Variants in BOP1 observed in about 807,000 individuals in gnomAD.
The protein encoded by BOP1 is BOP1 ribosomal biogenesis factor.
BOP1 carries 54 observed loss-of-function variants against 82.9 expected under a neutral mutation model. The observed-to-expected ratio is 0.65, with a 90% CI of 0.52 to 0.82. The LOEUF (loss-of-function observed/expected upper bound fraction) is 0.82. Ranked by LOEUF, BOP1 falls within the 40% of genes least tolerant of loss-of-function variation. The pLI, the probability that BOP1 is intolerant of heterozygous loss-of-function variation, is 0.00. For synonymous variants in BOP1, 566 were observed against 451.1 expected, an observed-to-expected ratio of 1.25 and a Z score of -3.23; for missense variants, 1,170 against 1,072.0, an observed-to-expected ratio of 1.09 and a Z score of -1.28.
chr8:144,269,369 G>A (rs1170231322), intron 3 of BOP1, among the ~76,000 whole-genome samples: 3 of 152,168 alleles, frequency 2.0e-5, no homozygotes, highest in Non-Finnish European at 2.9e-5. Flanking sequence ...GCCGGCCCCA[G>A]TTCCCCGCTA....
intron 2 of BOP1, among the ~76,000 whole-genome samples, chr8:144,285,989 C>G (rs576327283): frequency 2.6e-4 from 39 of 152,214 alleles, no homozygotes; most frequent in Middle Eastern, 3.2e-3. Flanking sequence ...TCATGGAAGC[C>G]AAGAGAACAT....
chr8:144,277,210 C>T (rs1054124676), intron 2 of BOP1, among the ~76,000 whole-genome samples: 1 of 151,554 alleles, frequency 6.6e-6, no homozygotes, highest in African/African-American at 2.4e-5. Context: ...TCCTCCCCTG[C>T]CTGTTTTTTC....
At position 144,265,076 on chromosome 8, in the gene BOP1, A is replaced by T. The variant is rs2130201479; in HGVS notation, c.391-5T>A. On this transcript the variant is annotated splice_polypyrimidine_tract_variant and splice_region_variant and intron_variant, in intron 3 of 15. Coordinates refer to ENST00000569669, the MANE Select transcript of BOP1 (RefSeq NM_015201.5). ...GCCCACCGTGTTCCGGATGTCCTGC[A>T]GCCGGGGGCCACCATGTCGGCATCT... The T allele has an allele frequency of 1.2e-6, 2 of 1,606,894 alleles. No homozygotes were observed. The highest frequency in any genetic ancestry group is 2.2e-5 in the East Asian group (1 of 44,764).
At chr8:144,289,646 G>A (rs187352287) in intron 1 of BOP1, among the ~76,000 whole-genome samples, 176 of 152,156 alleles carry the variant, frequency 1.2e-3, no homozygotes, top group African/African-American at 4.1e-3. Flanking sequence ...CTGACACTCC[G>A]GAGGCCCTGT....
At chr8:144,290,259 T>C (rs1158230084) in intron 1 of BOP1, among the ~76,000 whole-genome samples, 1 of 149,050 alleles carries the variant, frequency 6.7e-6, no homozygotes, top group Non-Finnish European at 1.5e-5. Context: ...GAGGCTGAGT[T>C]AGCCAGGAGG....
chr8:144,290,352 AG>A (rs1815011946), intron 1 of BOP1, among the ~76,000 whole-genome samples: 1 of 151,516 alleles, frequency 6.6e-6, no homozygotes, highest in African/African-American at 2.4e-5. Flanking sequence ...AAAAAAAAAA[AG>A]AAAAAAGAAA....
Position 144,264,786 on chromosome 8 carries a change from C to A in BOP1, c.591G>T (p.Thr197=), listed in dbSNP as rs1012048662. The A allele has an allele frequency of 7.5e-6, 12 of 1,608,456 alleles. No homozygotes were observed. The Admixed American group carries it at 1.7e-4, about 22-fold the overall frequency. ...DPMTGRDLRL[T]DEQVALVRRL... ...GCCGCACCAGGGCCACCTGCTCATC[C>A]GTCAGTCTCAGGTCCCGCCCTGTCA... The change falls in exon 5 of 16, where the codon ACG becomes ACT. Residue 197 remains threonine, a synonymous_variant. Transcript: ENST00000569669.
intron 3 of BOP1, among the ~76,000 whole-genome samples, chr8:144,270,052 TC>T (rs1297733401): frequency 1.3e-5 from 2 of 152,110 alleles, no homozygotes; most frequent in African/African-American, 4.8e-5. Flanking sequence ...GTTGCAAACC[TC>T]CACATGAACC....
chr8:144,265,179 C>T (rs1845331981), intron 3 of BOP1, 108 bp from the exon 4 acceptor site: 4 of 1,297,720 alleles, frequency 3.1e-6, no homozygotes, highest in Middle Eastern at 5.4e-4. Flanking sequence ...GCAGGCCCAG[C>T]CTCAAGTGCC....
intron 3 of BOP1, among the ~76,000 whole-genome samples, chr8:144,269,422 G>A (rs1298087156): frequency 6.6e-6 from 1 of 152,180 alleles, no homozygotes; most frequent in Non-Finnish European, 1.5e-5. Context: ...CAGGTGCTGT[G>A]GCCCACGTGG....
chr8:144,284,763 G>A lies in BOP1; in HGVS notation c.309+4332C>T, dbSNP rs141639068. On this transcript the variant is annotated intron_variant, in intron 2 of 15. Coordinates refer to ENST00000569669, the MANE Select transcript of BOP1 (RefSeq NM_015201.5). ...CGTGCAGCTGCTCACTGAATGCCAC[G>A]TAATTCTACACAGTCCTTAGAAAGG... 6.1e-3 allele frequency among the ~76,000 whole-genome samples: 933 copies of A among 152,302 alleles called. 7 individuals carry two copies. The highest frequency in any genetic ancestry group is 0.021 in the African/African-American group (885 of 41,568).
chr8:144,277,798 G>A (rs1588600531), intron 2 of BOP1, among the ~76,000 whole-genome samples: 1 of 146,360 alleles, frequency 6.8e-6, no homozygotes, highest in African/African-American at 2.7e-5. Flanking sequence ...AAGGGCAGGG[G>A]CGGTGCGGGC....
At chr8:144,286,397 GCGCCACGGCAGGGCAGGGCC>G in intron 2 of BOP1, among the ~76,000 whole-genome samples, 1 of 147,230 alleles carries the variant, frequency 6.8e-6, no homozygotes, top group South Asian at 2.2e-4. Context: ...AGGTGCATGG[GCGCCACGGCAGGGCAGGGCC>G]TCGGCCCCTC....
intron 3 of BOP1, among the ~76,000 whole-genome samples, chr8:144,273,583 G>A (rs1236022683): frequency 2.0e-5 from 3 of 152,362 alleles, no homozygotes; most frequent in East Asian, 1.9e-4. Flanking sequence ...GCAGCCACCC[G>A]GCCTCAGTTT....
At position 144,264,609 on chromosome 8, in the gene BOP1, A is replaced by C; in HGVS notation, c.671T>G (p.Val224Gly). 6.3e-7 allele frequency: 1 copy of C among 1,598,950 alleles called. No homozygotes were observed. The highest frequency in any genetic ancestry group is 8.5e-7 in the Non-Finnish European group (1 of 1,172,832). ...CATGACGTCCCCGCTGAAGAAGTCG[A>C]CAGCCGGCTGGGGGAGAAGATGTGG... ...DVGFNPYEPA[V>G]DFFSGDVMIH... The change falls in exon 6 of 16, where the codon GTC becomes GGC. Residue 224 changes from valine (V) to glycine (G), a missense_variant. By Grantham distance (109) the Val-to-Gly change is moderately radical. Transcript: ENST00000569669.
At chr8:144,284,893 C>A (rs1814820481) in intron 2 of BOP1, among the ~76,000 whole-genome samples, 1 of 152,214 alleles carries the variant, frequency 6.6e-6, no homozygotes, top group Non-Finnish European at 1.5e-5. Flanking sequence ...CCTGGGTCCA[C>A]CCAGGCAGGT....
intron 3 of BOP1, among the ~76,000 whole-genome samples, chr8:144,271,877 C>T (rs1012782184): frequency 2.0e-5 from 3 of 152,292 alleles, no homozygotes; most frequent in East Asian, 3.9e-4. Context: ...GGCCTTCTCC[C>T]GGCACCTCCA....
chr8:144,285,065 T>C (rs1554839323), intron 2 of BOP1, among the ~76,000 whole-genome samples: 1 of 152,132 alleles, frequency 6.6e-6, no homozygotes. Flanking sequence ...GGAATCAGAT[T>C]TATGGAGGAG....
intron 2 of BOP1, among the ~76,000 whole-genome samples, chr8:144,277,211 CTGT>C (rs1845581155): frequency 6.6e-6 from 1 of 152,080 alleles, no homozygotes; most frequent in African/African-American, 2.4e-5. Context: ...CCTCCCCTGC[CTGT>C]TTTTTCCTTC....
Sources: allele counts gnomAD v4.1 joint callset (sites outside exome capture counted in the v4.1 genomes callset), GRCh38; gene constraint gnomAD v4.1.1; transcripts MANE v1.5; gene names NCBI Gene and HGNC (gene_info 2026-07-23, HGNC 2026-07-21).